The following BMAL1 variants were observed in gnomAD, a reference collection of about 807,000 sequenced individuals.
BMAL1 encodes basic helix-loop-helix ARNT like 1.
the BMAL1 span, among the ~76,000 whole-genome samples, chr11:13,339,814 TC>T: frequency 1.3e-5 from 2 of 152,092 alleles, no homozygotes; most frequent in African/African-American, 4.8e-5. Context: ...CTTACTGCCA[TC>T]CAGCACCCGA....
At chr11:13,375,598 CT>C in the BMAL1 span, 1 of 1,549,796 alleles carries the variant, frequency 6.5e-7, no homozygotes, top group Non-Finnish European at 8.7e-7. Context: ...TCCATGTTTT[CT>C]TTACATTTTC....
chr11:13,290,908 A>G, the BMAL1 span, among the ~76,000 whole-genome samples: 3 of 152,182 alleles, frequency 2.0e-5, no homozygotes, highest in Middle Eastern at 6.8e-3. Context: ...TTATTGGTTG[A>G]TGGATGGGTT....
At chr11:13,314,720 A>G in the BMAL1 span, among the ~76,000 whole-genome samples, 1 of 152,122 alleles carries the variant, frequency 6.6e-6, no homozygotes, top group Non-Finnish European at 1.5e-5. Flanking sequence ...CTTGCGAACT[A>G]CTGTCTGACA....
chr11:13,374,132 C>G, the BMAL1 span: 1 of 1,613,918 alleles, frequency 6.2e-7, no homozygotes, highest in East Asian at 2.2e-5. Context: ...ACAAGAACTT[C>G]TAGGCACATC....
At chr11:13,363,536 C>T in the BMAL1 span, among the ~76,000 whole-genome samples, 1 of 152,178 alleles carries the variant, frequency 6.6e-6, no homozygotes, top group East Asian at 1.9e-4. Context: ...CAGGTCTACT[C>T]AGATGATGTT....
At chr11:13,369,892 G>C in the BMAL1 span, 1 of 1,240,120 alleles carries the variant, frequency 8.1e-7, no homozygotes, top group South Asian at 1.5e-5. Context: ...CAGGACTGCA[G>C]ACAGGACCCT....
At chr11:13,361,179 C>T in the BMAL1 span, among the ~76,000 whole-genome samples, 1 of 152,110 alleles carries the variant, frequency 6.6e-6, no homozygotes, top group African/African-American at 2.4e-5. Context: ...CTTTCACCTG[C>T]TTGACTTGAG....
the BMAL1 span, among the ~76,000 whole-genome samples, chr11:13,371,862 A>T: frequency 6.6e-6 from 1 of 151,578 alleles, no homozygotes; most frequent in Admixed American, 6.6e-5. Flanking sequence ...TTCTTGATCC[A>T]CCTCCTCTAC....
chr11:13,382,310 G>A, the BMAL1 span, among the ~76,000 whole-genome samples: 3 of 152,180 alleles, frequency 2.0e-5, no homozygotes, highest in Non-Finnish European at 4.4e-5. Context: ...ACCTGGGTTC[G>A]AAGCTTGGCC....
chr11:13,333,805 C>G, the BMAL1 span, among the ~76,000 whole-genome samples: 1 of 150,536 alleles, frequency 6.6e-6, no homozygotes, highest in Non-Finnish European at 1.5e-5. Context: ...TGACCTAGTT[C>G]TGCTTTTTGT....
At chr11:13,307,097 C>T in the BMAL1 span, among the ~76,000 whole-genome samples, 74 of 152,300 alleles carry the variant, frequency 4.9e-4, no homozygotes, top group African/African-American at 1.6e-3. Context: ...GATCGTCTGC[C>T]CACCCCTGTT....
chr11:13,336,525 C>CA, the BMAL1 span, among the ~76,000 whole-genome samples: 1 of 152,146 alleles, frequency 6.6e-6, no homozygotes, highest in African/African-American at 2.4e-5. Flanking sequence ...GGGTTGAAGT[C>CA]AGTCTACCAG....
chr11:13,334,515 C>G, the BMAL1 span, among the ~76,000 whole-genome samples: 1 of 139,428 alleles, frequency 7.2e-6, no homozygotes, highest in African/African-American at 2.6e-5. Flanking sequence ...GTGACAAATA[C>G]AGGGCTCTTG....
the BMAL1 span, among the ~76,000 whole-genome samples, chr11:13,369,312 C>T: frequency 1.3e-5 from 2 of 152,178 alleles, no homozygotes; most frequent in Non-Finnish European, 2.9e-5. Flanking sequence ...CTTGGTGCAC[C>T]TCCATTTGCC....
At chr11:13,356,270 C>G in the BMAL1 span, 1 of 457,806 alleles carries the variant, frequency 2.2e-6, no homozygotes, top group Non-Finnish European at 4.4e-6. Context: ...TTTAATTCCA[C>G]CCTCCTCACT....
the BMAL1 span, among the ~76,000 whole-genome samples, chr11:13,373,652 A>G: frequency 0.78 from 118,745 of 152,020 alleles, 47,199 homozygotes; most frequent in Middle Eastern, 0.88. Context: ...GACCATAGGC[A>G]TGTGCCACCA....
chr11:13,385,952 C>A, the BMAL1 span, among the ~76,000 whole-genome samples: 4 of 152,108 alleles, frequency 2.6e-5, no homozygotes, highest in Admixed American at 2.0e-4. Flanking sequence ...AAAAAGTTGA[C>A]CAGTATTTGA....
chr11:13,322,325 C>T, the BMAL1 span, among the ~76,000 whole-genome samples: 3 of 152,278 alleles, frequency 2.0e-5, no homozygotes, highest in East Asian at 3.9e-4. Flanking sequence ...TTATACCTCG[C>T]AACACCCTGA....
the BMAL1 span, among the ~76,000 whole-genome samples, chr11:13,307,048 T>C: frequency 3.4e-4 from 52 of 152,286 alleles, 1 homozygote; most frequent in South Asian, 0.011. Flanking sequence ...TTTGGACCCG[T>C]CACTGTTGCA....
Sources: gnomAD v4.1 joint callset for allele counts (sites outside exome capture counted in the v4.1 genomes callset) on GRCh38, gnomAD v4.1.1 for gene constraint, MANE v1.5 for transcripts, NCBI Gene and HGNC (gene_info 2026-07-23, HGNC 2026-07-21) for gene names.